The following RAB2A variants were observed in gnomAD, a reference collection of about 807,000 sequenced individuals.
RAB2A encodes ras-related protein Rab-2A.
In RAB2A, 7 loss-of-function variants were observed where a neutral mutation model predicts 32.5. The observed-to-expected ratio is 0.22, with a 90% CI of 0.12 to 0.40. RAB2A has a LOEUF of 0.40. Among genes scored for constraint, RAB2A ranks in the 10% least tolerant of loss-of-function variants. The pLI, the probability that RAB2A is intolerant of heterozygous loss-of-function variation, is 1.00. For synonymous variants in RAB2A, 79 were observed against 85.2 expected (o/e 0.93, Z 0.40); for missense variants, 108 against 260.7 (o/e 0.41, Z 4.03).
At chr8:60,615,746 A>G (rs1440391161) in intron 6 of RAB2A, among the ~76,000 whole-genome samples, 2 of 152,160 alleles carry the variant, frequency 1.3e-5, no homozygotes, top group African/African-American at 4.8e-5. Context: ...GTCCATGGCC[A>G]CATATTTTAT....
At chr8:60,585,498 A>AG (rs1388547575) in intron 5 of RAB2A, among the ~76,000 whole-genome samples, 3 of 152,076 alleles carry the variant, frequency 2.0e-5, no homozygotes, top group Non-Finnish European at 4.4e-5. Flanking sequence ...TTTCTTATAA[A>AG]GAAAGGGTCT....
At chr8:60,581,961 T>TA (rs1803764641) in intron 3 of RAB2A, among the ~76,000 whole-genome samples, 1 of 151,012 alleles carries the variant, frequency 6.6e-6, no homozygotes, top group East Asian at 1.9e-4. Flanking sequence ...TTTTTTTTTT[T>TA]AAAGACACAG....
At chr8:60,547,185 A>C (rs1807743735) in intron 1 of RAB2A, among the ~76,000 whole-genome samples, 2 of 152,020 alleles carry the variant, frequency 1.3e-5, no homozygotes, top group Non-Finnish European at 2.9e-5. Context: ...TGGATACAGC[A>C]CATGTTTCAG....
chr8:60,558,826 CTT>C (rs765789686), intron 1 of RAB2A, 24 bp from the exon 2 acceptor site: 10 of 1,580,848 alleles, frequency 6.3e-6, no homozygotes, highest in South Asian at 2.2e-5. Flanking sequence ...AATTTTGTCT[CTT>C]ATTTATTTTT....
intron 6 of RAB2A, among the ~76,000 whole-genome samples, chr8:60,595,545 G>A (rs73261257): frequency 0.064 from 9,748 of 152,194 alleles, 812 homozygotes; most frequent in African/African-American, 0.19. Flanking sequence ...AAAATAAAAT[G>A]ATAGGAAAAG....
chr8:60,519,018 T>C (rs145416321), intron 1 of RAB2A, among the ~76,000 whole-genome samples: 172 of 152,338 alleles, frequency 1.1e-3, no homozygotes, highest in Non-Finnish European at 1.7e-3. Flanking sequence ...CTACAAATCC[T>C]AACAAGTTAA....
At chr8:60,578,789 G>A (rs533963950) in intron 3 of RAB2A, among the ~76,000 whole-genome samples, 2 of 152,328 alleles carry the variant, frequency 1.3e-5, no homozygotes, top group African/African-American at 2.4e-5. Flanking sequence ...AGATGCATGG[G>A]AAAGCCAGTT....
chr8:60,540,010 G>T (rs1390316660), intron 1 of RAB2A, among the ~76,000 whole-genome samples: 2 of 151,680 alleles, frequency 1.3e-5, no homozygotes, highest in South Asian at 2.1e-4. Context: ...ACAGGTTAAG[G>T]TAGAGTTTGA....
chr8:60,570,694 G>A (rs1808185740), intron 2 of RAB2A, among the ~76,000 whole-genome samples: 1 of 152,034 alleles, frequency 6.6e-6, no homozygotes, highest in South Asian at 2.1e-4. Flanking sequence ...TAGCTTTCCT[G>A]TATTTCTGAG....
At position 60,621,975 on chromosome 8, in the gene RAB2A, G is replaced by A. The variant is rs1330416828; in HGVS notation, c.*1206G>A. On this transcript the variant is annotated 3_prime_UTR_variant, in exon 8 of 8. Transcript: ENST00000262646. ...TCTATAATGAAATTGTTACAGCAGT[G>A]CAAAATAAAATCCTATGTATAAAAG... 6 of 151,878 alleles carry A rather than the reference G, an allele frequency of 4.0e-5. No homozygotes were observed. The East Asian group carries it at 9.6e-4, about 24-fold the overall frequency. The allele number at this position is 151,878 out of a possible 1,614,324, so 9.4% of individuals were successfully genotyped here. A position where few individuals can be genotyped will look rare whatever the true frequency, so the allele number is the denominator to read the frequency against.
At chr8:60,581,689 A>G (rs1260351152) in intron 3 of RAB2A, among the ~76,000 whole-genome samples, 1 of 151,992 alleles carries the variant, frequency 6.6e-6, no homozygotes, top group Non-Finnish European at 1.5e-5. Context: ...TAAAGAAGAT[A>G]TTTCCTGCCA....
chr8:60,602,864 T>A (rs1282010258), intron 6 of RAB2A, among the ~76,000 whole-genome samples: 3 of 152,220 alleles, frequency 2.0e-5, no homozygotes, highest in Non-Finnish European at 4.4e-5. Context: ...GCCATCCTTT[T>A]GTTCCTTAGG....
chr8:60,561,314 T>A (rs1808022081), intron 2 of RAB2A, among the ~76,000 whole-genome samples: 1 of 152,230 alleles, frequency 6.6e-6, no homozygotes, highest in Non-Finnish European at 1.5e-5. Flanking sequence ...GTTTTTTTTC[T>A]TTCTAACTTT....
chr8:60,539,060 G>C (rs1807599046), intron 1 of RAB2A, among the ~76,000 whole-genome samples: 1 of 152,154 alleles, frequency 6.6e-6, no homozygotes, highest in Non-Finnish European at 1.5e-5. Flanking sequence ...ATGTAGGCTA[G>C]AGTTGTTTGA....
At chr8:60,526,003 A>G (rs937886318) in intron 1 of RAB2A, among the ~76,000 whole-genome samples, 5 of 133,446 alleles carry the variant, frequency 3.7e-5, no homozygotes, top group African/African-American at 5.6e-5. Context: ...GTCTATATGT[A>G]TATATGTGTG....
intron 6 of RAB2A, among the ~76,000 whole-genome samples, chr8:60,596,688 T>A (rs1586105396): frequency 6.6e-6 from 1 of 152,166 alleles, no homozygotes; most frequent in Admixed American, 6.5e-5. Context: ...TTTGGGAGGC[T>A]GAGGTGGGCG....
intron 1 of RAB2A, among the ~76,000 whole-genome samples, chr8:60,548,127 C>T (rs1807773910): frequency 9.2e-5 from 1 of 10,842 alleles, no homozygotes. Context: ...GCTGGCCGGG[C>T]GGGGGGCTGA....
chr8:60,558,796 A>G, intron 1 of RAB2A, 56 bp from the exon 2 acceptor site: 1 of 1,433,886 alleles, frequency 7.0e-7, no homozygotes, highest in Non-Finnish European at 9.8e-7. Context: ...TCCTTTTTGT[A>G]AAGCATCTTA....
chr8:60,599,328 G>A (rs1804090142), intron 6 of RAB2A, among the ~76,000 whole-genome samples: 1 of 152,116 alleles, frequency 6.6e-6, no homozygotes, highest in African/African-American at 2.4e-5. Context: ...CCTACTGTTT[G>A]GAATATTCAA....
Sources: allele counts gnomAD v4.1 joint callset (sites outside exome capture counted in the v4.1 genomes callset), GRCh38; gene constraint gnomAD v4.1.1; transcripts MANE v1.5; gene names NCBI Gene and HGNC (gene_info 2026-07-23, HGNC 2026-07-21).